Variants in C8orf34 observed in about 807,000 individuals in gnomAD.
C8orf34 encodes uncharacterized protein C8orf34.
In C8orf34, 65 loss-of-function variants were observed where a neutral mutation model predicts 68.3. The ratio of observed to expected loss-of-function variants is 0.95; its 90% confidence interval spans 0.78 to 1.17. The LOEUF (loss-of-function observed/expected upper bound fraction) is 1.17, where lower values mean the gene tolerates loss of function less well. C8orf34 is among the 50% of genes most tolerant of loss of function. The pLI, the probability that C8orf34 is intolerant of heterozygous loss-of-function variation, is 0.00. For missense variants in C8orf34, 664 were observed against 655.4 expected, an observed-to-expected ratio of 1.01 and a Z score of -0.14; for synonymous variants, 244 against 241.2, an observed-to-expected ratio of 1.01 and a Z score of -0.11.
intron 6 of C8orf34, among the ~76,000 whole-genome samples, chr8:68,523,335 T>C (rs995143723): frequency 6.6e-6 from 1 of 152,184 alleles, no homozygotes; most frequent in Non-Finnish European, 1.5e-5. Context: ...GTCATAATAA[T>C]AATCAGAACT....
intron 12 of C8orf34, among the ~76,000 whole-genome samples, chr8:68,811,379 A>G (rs1376937176): frequency 6.6e-6 from 1 of 152,202 alleles, no homozygotes; most frequent in Non-Finnish European, 1.5e-5. Context: ...CCAAGAGCAC[A>G]AGGATGCCTG....
intron 12 of C8orf34, among the ~76,000 whole-genome samples, chr8:68,815,126 G>A (rs1002503233): frequency 3.3e-5 from 5 of 152,096 alleles, no homozygotes; most frequent in Admixed American, 3.3e-4. Flanking sequence ...GAGACATGTG[G>A]AAATGCTTAT....
intron 7 of C8orf34, among the ~76,000 whole-genome samples, chr8:68,592,348 T>C (rs532108832): frequency 1.7e-3 from 252 of 152,204 alleles, no homozygotes; most frequent in African/African-American, 4.6e-3. Flanking sequence ...TTCATAAAGA[T>C]CTTGGGCTTT....
At chr8:68,560,191 G>T (rs932820277) in intron 7 of C8orf34, among the ~76,000 whole-genome samples, 6 of 151,696 alleles carry the variant, frequency 4.0e-5, no homozygotes, top group Non-Finnish European at 2.9e-5. Context: ...CAGACTGGAA[G>T]ATGTATTGGA....
chr8:68,771,875 T>A (rs1274295490), intron 10 of C8orf34, among the ~76,000 whole-genome samples: 1 of 152,214 alleles, frequency 6.6e-6, no homozygotes, highest in Non-Finnish European at 1.5e-5. Context: ...TGTATTCTAA[T>A]CACTTGTATA....
intron 10 of C8orf34, among the ~76,000 whole-genome samples, chr8:68,735,951 A>C (rs974891252): frequency 2.0e-5 from 3 of 152,204 alleles, no homozygotes; most frequent in African/African-American, 7.2e-5. Flanking sequence ...AGGTTCAACA[A>C]CACCCCAGTA....
chr8:68,364,943 CA>C (rs1189073489), intron 1 of C8orf34, among the ~76,000 whole-genome samples: 3 of 151,154 alleles, frequency 2.0e-5, no homozygotes, highest in African/African-American at 7.3e-5. Context: ...TTCAAAAAAT[CA>C]ATGAATCCAG....
chr8:68,625,382 GA>G, intron 7 of C8orf34: 1 of 464,228 alleles, frequency 2.2e-6, no homozygotes, highest in Non-Finnish European at 3.8e-6. Context: ...TCTAATGTGG[GA>G]AGTGAGATGA....
At chr8:68,644,094 C>G (rs1819094821) in intron 8 of C8orf34, among the ~76,000 whole-genome samples, 1 of 152,110 alleles carries the variant, frequency 6.6e-6, no homozygotes, top group Non-Finnish European at 1.5e-5. Flanking sequence ...GTAAGTGAAT[C>G]TATGAAATAA....
At chr8:68,735,552 G>C (rs189713695) in intron 10 of C8orf34, among the ~76,000 whole-genome samples, 1 of 152,070 alleles carries the variant, frequency 6.6e-6, no homozygotes, top group East Asian at 1.9e-4. Context: ...CTTTGGTCAA[G>C]TAACAAAACA....
intron 1 of C8orf34, among the ~76,000 whole-genome samples, chr8:68,415,007 T>C: frequency 6.6e-6 from 1 of 152,052 alleles, no homozygotes; most frequent in East Asian, 1.9e-4. Flanking sequence ...CTGGGAAACT[T>C]AAAATTTGAG....
At chr8:68,670,783 C>G (rs1460078772) in intron 8 of C8orf34, among the ~76,000 whole-genome samples, 2 of 152,128 alleles carry the variant, frequency 1.3e-5, no homozygotes, top group Non-Finnish European at 2.9e-5. Flanking sequence ...TGGCTTCTTT[C>G]TCTATTTATC....
intron 5 of C8orf34, among the ~76,000 whole-genome samples, chr8:68,507,654 G>A (rs1346994246): frequency 6.6e-6 from 1 of 152,118 alleles, no homozygotes; most frequent in Non-Finnish European, 1.5e-5. Flanking sequence ...AGAGGGCATT[G>A]GAAAATATGC....
At chr8:68,692,983 TAGAG>T (rs1394351952) in intron 8 of C8orf34, among the ~76,000 whole-genome samples, 1 of 152,078 alleles carries the variant, frequency 6.6e-6, no homozygotes, top group African/African-American at 2.4e-5. Context: ...GGCAGAAACC[TAGAG>T]AGAGACTTTT....
At chr8:68,353,877 T>C (rs1806629950) in intron 1 of C8orf34, among the ~76,000 whole-genome samples, 1 of 151,828 alleles carries the variant, frequency 6.6e-6, no homozygotes, top group African/African-American at 2.4e-5. Context: ...TGTGCATAGT[T>C]TATATGCAAA....
chr8:68,612,968 G>A (rs922293481), intron 7 of C8orf34, among the ~76,000 whole-genome samples: 3 of 152,114 alleles, frequency 2.0e-5, no homozygotes, highest in Admixed American at 2.0e-4. Context: ...CTGACCAGTC[G>A]AGAATTGGCT....
At chr8:68,374,397 T>A (rs2129619890) in intron 1 of C8orf34, among the ~76,000 whole-genome samples, 1 of 152,288 alleles carries the variant, frequency 6.6e-6, no homozygotes, top group East Asian at 1.9e-4. Flanking sequence ...TTTTCCCCAA[T>A]GCTGACTAGG....
chr8:68,664,492 C>T (rs1298287511), intron 8 of C8orf34, among the ~76,000 whole-genome samples: 1 of 152,152 alleles, frequency 6.6e-6, no homozygotes, highest in East Asian at 1.9e-4. Context: ...TTTTCACTTT[C>T]AGTATAGTAT....
intron 8 of C8orf34, among the ~76,000 whole-genome samples, chr8:68,643,041 A>G (rs1180873805): frequency 6.6e-6 from 1 of 152,158 alleles, no homozygotes; most frequent in Non-Finnish European, 1.5e-5. Flanking sequence ...GGTTCCTAAC[A>G]GGCCACAGAC....
Sources: allele counts gnomAD v4.1 joint callset (sites outside exome capture counted in the v4.1 genomes callset), GRCh38; gene constraint gnomAD v4.1.1; transcripts MANE v1.5; gene names NCBI Gene and HGNC (gene_info 2026-07-23, HGNC 2026-07-21).